TMED10: variants seen among roughly 807,000 people sequenced by gnomAD.
TMED10 encodes transmembrane emp24 domain-containing protein 10.
TMED10 carries 7 observed loss-of-function variants against 23.1 expected under a neutral mutation model. The ratio of observed to expected loss-of-function variants is 0.30; its 90% CI spans 0.17 to 0.57. TMED10 has a LOEUF of 0.57. TMED10 is among the 20% of genes least tolerant of loss of function. The pLI, the probability that TMED10 is intolerant of heterozygous loss-of-function variation, is 0.91. For missense variants in TMED10, 162 were observed against 274.8 expected (o/e 0.59, Z 2.90); for synonymous variants, 113 against 106.9 (o/e 1.06, Z -0.35).
intron 2 of TMED10, among the ~76,000 whole-genome samples, chr14:75,151,052 GCCA>G (rs1218282846): frequency 1.3e-5 from 2 of 152,072 alleles, no homozygotes; most frequent in Non-Finnish European, 2.9e-5. Flanking sequence ...ACAGGCATGT[GCCA>G]CCACCACATC....
At chr14:75,155,072 C>A (rs1284257912) in intron 1 of TMED10, among the ~76,000 whole-genome samples, 1 of 152,072 alleles carries the variant, frequency 6.6e-6, no homozygotes, top group Non-Finnish European at 1.5e-5. Context: ...GATTCTCCTG[C>A]CTCAGCCTCC....
rs890094652 is a variant in TMED10 at position 75,152,025 on chromosome 14, T to A, written c.337+7A>T. The A allele has an allele frequency of 3.1e-6, 5 of 1,610,716 alleles. No homozygotes were observed. Among genetic ancestry groups the A allele is most frequent in the Non-Finnish European group, 4.2e-6 (5 of 1,177,044 alleles). On this transcript the variant is annotated splice_region_variant and intron_variant, in intron 2 of 4. Transcript: ENST00000303575. ...CTTAATCCAGAGAAACACTCTTGAT[T>A]ACTCACCCTTGCTCTCAAAACACAC...
Position 75,134,989 on chromosome 14 carries a change from C to G in TMED10, c.556G>C (p.Val186Leu), listed in dbSNP as rs1210523146. Residue 186 changes from valine to leucine, a missense_variant, in exon 5 of 5, where the codon GTC (valine) becomes CTC (leucine). Transcript: ENST00000303575. ...ATTGAAAAGATGCTGAAGTATAGGA[C>G]CCGAGTGTTTGTTGACTCTAAAAAA... ...RDTNESTNTR[V>L]LYFSIFSMFC... The G allele has an allele frequency of 6.2e-7, 1 of 1,613,958 alleles. No homozygotes were observed. The highest frequency in any genetic ancestry group is 8.5e-7 in the Non-Finnish European group (1 of 1,179,960).
intron 1 of TMED10, among the ~76,000 whole-genome samples, chr14:75,154,822 C>A (rs1464684446): frequency 2.0e-5 from 3 of 152,026 alleles, no homozygotes; most frequent in Admixed American, 6.5e-5. Context: ...TGCCACCACA[C>A]CCGGCTAATT....
At chr14:75,160,954 G>A (rs564226071) in intron 1 of TMED10, among the ~76,000 whole-genome samples, 1 of 152,284 alleles carries the variant, frequency 6.6e-6, no homozygotes, top group South Asian at 2.1e-4. Flanking sequence ...TGAGGCAGGA[G>A]AATCACTTGA....
intron 1 of TMED10, among the ~76,000 whole-genome samples, chr14:75,153,524 A>G (rs1046327997): frequency 6.6e-6 from 1 of 152,228 alleles, no homozygotes. Context: ...CTTCATTTCT[A>G]GAGCACGTGG....
chr14:75,174,859 G>A (rs991713336), intron 1 of TMED10, among the ~76,000 whole-genome samples: 8 of 151,894 alleles, frequency 5.3e-5, no homozygotes, highest in African/African-American at 1.7e-4. Flanking sequence ...TGGCCAACAT[G>A]GTGAACCGTC....
chr14:75,166,884 G>A (rs986681975), intron 1 of TMED10, among the ~76,000 whole-genome samples: 1 of 150,952 alleles, frequency 6.6e-6, no homozygotes, highest in East Asian at 1.9e-4. Context: ...TCATGGGATC[G>A]TTATTGATAA....
intron 1 of TMED10, among the ~76,000 whole-genome samples, chr14:75,153,712 T>C (rs1369318473): frequency 1.3e-5 from 2 of 151,858 alleles, no homozygotes; most frequent in East Asian, 1.9e-4. Flanking sequence ...TTTAAGCTTA[T>C]ATATTTAAAA....
intron 3 of TMED10, chr14:75,147,440 C>T (rs866824601): frequency 1.4e-4 from 80 of 560,816 alleles, no homozygotes; most frequent in African/African-American, 8.4e-4. Context: ...GCGATCCACC[C>T]GCCTTGGCCT....
At chr14:75,143,647 T>C (rs1895849262) in intron 3 of TMED10, among the ~76,000 whole-genome samples, 1 of 151,876 alleles carries the variant, frequency 6.6e-6, no homozygotes, top group African/African-American at 2.4e-5. Flanking sequence ...AAGATAAACA[T>C]AACAGAGCTG....
rs377364533 is a variant in TMED10 at position 75,135,016 on chromosome 14, A to T, written c.539-10T>A. The stretch of plus-strand genomic sequence containing the variant: ...CGAGTGTTTGTTGACTCTAAAAAAA[A>T]ACAAAAGCATTGTAAACATAATGAA... On this transcript the variant is annotated splice_polypyrimidine_tract_variant and intron_variant, in intron 4 of 4. Coordinates refer to ENST00000303575, the MANE Select transcript of TMED10 (RefSeq NM_006827.6). The T allele has an allele frequency of 1.2e-5, 20 of 1,613,880 alleles. No individual in the cohort carries two copies. The highest frequency in any genetic ancestry group is 1.7e-5 in the Non-Finnish European group (20 of 1,179,870).
At chr14:75,159,707 A>C (rs1896064239) in intron 1 of TMED10, among the ~76,000 whole-genome samples, 1 of 152,220 alleles carries the variant, frequency 6.6e-6, no homozygotes, top group South Asian at 2.1e-4. Flanking sequence ...AAAATGAATT[A>C]AGAAATCTGC....
chr14:75,163,892 T>G (rs560862607), intron 1 of TMED10, among the ~76,000 whole-genome samples: 4 of 152,022 alleles, frequency 2.6e-5, no homozygotes, highest in Non-Finnish European at 5.9e-5. Flanking sequence ...CCTGAGTAGC[T>G]GGGATTACAA....
intron 1 of TMED10, among the ~76,000 whole-genome samples, chr14:75,174,209 T>C (rs535570835): frequency 1.4e-4 from 22 of 152,276 alleles, no homozygotes; most frequent in African/African-American, 5.3e-4. Context: ...ACTAACAGTC[T>C]AGTAAGTAGG....
rs1297933074 is a variant in TMED10, at chr14:75,133,050, A to G, written c.*1835T>C. On this transcript the variant is annotated 3_prime_UTR_variant, in exon 5 of 5. Transcript: ENST00000303575. The stretch of plus-strand genomic sequence containing the variant: ...TACAGTGATTATTGGCTTTGCTTTC[A>G]TAACATGTATTTTTAAGTATTTACT... 1 of 152,220 alleles carries G rather than the reference A, an allele frequency of 6.6e-6. No individual in the cohort carries two copies. The highest frequency in any genetic ancestry group is 1.5e-5 in the Non-Finnish European group (1 of 68,038). The allele number at this position is 152,220 out of a possible 1,614,324, so 9.4% of individuals were successfully genotyped here.
chr14:75,151,568 A>T (rs1276089699), intron 2 of TMED10, among the ~76,000 whole-genome samples: 1 of 152,126 alleles, frequency 6.6e-6, no homozygotes, highest in Non-Finnish European at 1.5e-5. Flanking sequence ...TCACAACAAA[A>T]CTGAGAGGAA....
At chr14:75,135,033 C>T (rs773269906) in intron 4 of TMED10, 27 bp from the exon 5 acceptor site, 71 of 1,612,602 alleles carry the variant, frequency 4.4e-5, no homozygotes, top group Admixed American at 2.3e-4. Flanking sequence ...GCATTGTAAA[C>T]ATAATGAAGT....
rs1220764828 is a variant in TMED10, at chr14:75,132,293, C to T, written c.*2592G>A. Reference sequence around the variant, plus strand: ...TTCCCAGCTACTCAGGAGGCTGAGGCAGGAGAATTGCTTGAACCCAGGAGG... The same window carrying T: ...TTCCCAGCTACTCAGGAGGCTGAGGTAGGAGAATTGCTTGAACCCAGGAGG... On this transcript the variant is annotated 3_prime_UTR_variant, in exon 5 of 5. Transcript: ENST00000303575. 6.7e-6 allele frequency: 1 copy of T among 149,408 alleles called. No individual in the cohort carries two copies. The highest frequency in any genetic ancestry group is 2.0e-4 in the East Asian group (1 of 5,068). The allele number at this position is 149,408 out of a possible 1,614,324, so 9.3% of individuals were successfully genotyped here.
Sources: gnomAD v4.1 joint callset for allele counts (sites outside exome capture counted in the v4.1 genomes callset) on GRCh38, gnomAD v4.1.1 for gene constraint, MANE v1.5 for transcripts, NCBI Gene and HGNC (gene_info 2026-07-23, HGNC 2026-07-21) for gene names.